The following AUTS2 variants were observed in gnomAD, a reference collection of about 807,000 sequenced individuals.
The protein encoded by AUTS2 is activator of transcription and developmental regulator AUTS2.
In AUTS2, 17 loss-of-function variants were observed where a neutral mutation model predicts 112.4. The ratio of observed to expected loss-of-function variants is 0.15; its 90% CI spans 0.10 to 0.23. The LOEUF is 0.23. AUTS2 is among the 10% of genes least tolerant of loss of function. The pLI is 1.00. For missense variants in AUTS2, 1,510 were observed against 1,701.6 expected, an observed-to-expected ratio of 0.89 and a Z score of 1.98; for synonymous variants, 751 against 702.7, an observed-to-expected ratio of 1.07 and a Z score of -1.09.
chr7:70,491,527 ATAT>A (rs1262215274), intron 5 of AUTS2, among the ~76,000 whole-genome samples: 2 of 147,950 alleles, frequency 1.4e-5, no homozygotes, highest in Admixed American at 6.8e-5. Flanking sequence ...TACACACAAT[ATAT>A]TATATATACA....
chr7:70,390,000 A>G (rs1793781756), intron 4 of AUTS2, among the ~76,000 whole-genome samples: 1 of 152,230 alleles, frequency 6.6e-6, no homozygotes, highest in South Asian at 2.1e-4. Context: ...TCTTCACCGT[A>G]GCCACCTTAT....
intron 1 of AUTS2, among the ~76,000 whole-genome samples, chr7:69,743,860 G>A (rs746249332): frequency 2.0e-5 from 3 of 152,104 alleles, no homozygotes; most frequent in Non-Finnish European, 4.4e-5. Flanking sequence ...ACAGTAGAAC[G>A]ATCATAGCTC....
intron 5 of AUTS2, among the ~76,000 whole-genome samples, chr7:70,551,754 CA>C (rs1801023197): frequency 6.6e-6 from 1 of 152,158 alleles, no homozygotes; most frequent in African/African-American, 2.4e-5. Context: ...ACTTCTAACA[CA>C]CATGACATAC....
chr7:69,618,030 T>C (rs1250290634), intron 1 of AUTS2, among the ~76,000 whole-genome samples: 1 of 152,238 alleles, frequency 6.6e-6, no homozygotes, highest in Non-Finnish European at 1.5e-5. Context: ...TCACAACAAC[T>C]CTGTATAATA....
chr7:69,625,187 G>A (rs75451512), intron 1 of AUTS2, among the ~76,000 whole-genome samples: 13 of 152,260 alleles, frequency 8.5e-5, no homozygotes, highest in East Asian at 7.7e-4. Context: ...TAGCAGAAGC[G>A]GACTCAGAAA....
chr7:69,691,401 C>G (rs1415463257), intron 1 of AUTS2, among the ~76,000 whole-genome samples: 1 of 152,100 alleles, frequency 6.6e-6, no homozygotes, highest in African/African-American at 2.4e-5. Context: ...CAGACCCATG[C>G]CAAGCTACCC....
intron 2 of AUTS2, among the ~76,000 whole-genome samples, chr7:70,088,813 A>G (rs563076550): frequency 5.0e-4 from 76 of 151,792 alleles, no homozygotes; most frequent in African/African-American, 1.8e-3. Context: ...GGGGTTTCAC[A>G]ATGTTGGCCA....
chr7:69,810,466 T>C (rs1398276697), intron 1 of AUTS2, among the ~76,000 whole-genome samples: 1 of 151,372 alleles, frequency 6.6e-6, no homozygotes, highest in African/African-American at 2.4e-5. Context: ...CACACAGTAG[T>C]TGTTTAATTA....
chr7:70,283,751 T>C (rs903360753), intron 4 of AUTS2, among the ~76,000 whole-genome samples: 6 of 152,160 alleles, frequency 3.9e-5, no homozygotes, highest in African/African-American at 1.4e-4. Context: ...AATAGTCCTT[T>C]GGAAGCCCTA....
intron 6 of AUTS2, among the ~76,000 whole-genome samples, chr7:70,751,096 C>T (rs534090563): frequency 6.6e-6 from 1 of 152,146 alleles, no homozygotes; most frequent in Non-Finnish European, 1.5e-5. Context: ...ACCCCAAAAT[C>T]GTTGATGACA....
At chr7:69,742,686 C>T (rs565514675) in intron 1 of AUTS2, among the ~76,000 whole-genome samples, 4 of 152,136 alleles carry the variant, frequency 2.6e-5, no homozygotes, top group Non-Finnish European at 5.9e-5. Context: ...GGTAGATTAT[C>T]TTACCTGTCC....
intron 11 of AUTS2, 49 bp downstream of exon 11, chr7:70,771,693 C>T: frequency 6.4e-7 from 1 of 1,553,008 alleles, no homozygotes; most frequent in Non-Finnish European, 8.9e-7. Context: ...TAAGTGGCGT[C>T]CCGGGCCAGG....
At chr7:69,838,458 CAG>C (rs150356686) in intron 1 of AUTS2, among the ~76,000 whole-genome samples, 1 of 152,198 alleles carries the variant, frequency 6.6e-6, no homozygotes, top group East Asian at 1.9e-4. Context: ...AACTGAGGCA[CAG>C]AGAGTTTCAG....
chr7:69,606,772 A>G (rs1034276883), intron 1 of AUTS2, among the ~76,000 whole-genome samples: 3 of 152,238 alleles, frequency 2.0e-5, no homozygotes, highest in African/African-American at 7.2e-5. Context: ...AACTTGAGAC[A>G]GGAGAAGATC....
chr7:70,150,015 C>G (rs1807342064), intron 4 of AUTS2, among the ~76,000 whole-genome samples: 1 of 151,888 alleles, frequency 6.6e-6, no homozygotes, highest in Admixed American at 6.6e-5. Context: ...GTACTTAAAA[C>G]TGATAAAGAA....
At chr7:69,917,524 C>T (rs1001151220) in intron 2 of AUTS2, among the ~76,000 whole-genome samples, 4 of 146,548 alleles carry the variant, frequency 2.7e-5, no homozygotes, top group African/African-American at 1.1e-4. Context: ...AAGGGGCCTG[C>T]TGGTTTTTTG....
At chr7:70,739,148 T>G in intron 6 of AUTS2, among the ~76,000 whole-genome samples, 1 of 150,770 alleles carries the variant, frequency 6.6e-6, no homozygotes, top group East Asian at 2.0e-4. Flanking sequence ...TGCTTCAGCC[T>G]CCTGGTTAGG....
In AUTS2 at chr7:69,928,964, T is replaced by C. The variant is rs73429444; in HGVS notation, c.522+29466T>C. 8.7e-3 allele frequency among the ~76,000 whole-genome samples: 1,331 copies of C among 152,316 alleles called. 26 individuals carry two copies. Among genetic ancestry groups the C allele is most frequent in the African/African-American group, 0.03 (1,252 of 41,576 alleles). On this transcript the variant is annotated intron_variant, in intron 2 of 18. Coordinates refer to ENST00000342771, the MANE Select transcript of AUTS2 (RefSeq NM_015570.4). ...CACCATCAATGTGGTTACCATTTCT[T>C]ATGCCCTTCATTTCTCTGGGTAGAT...
At chr7:69,941,232 G>A (rs753253146) in intron 2 of AUTS2, among the ~76,000 whole-genome samples, 5 of 152,194 alleles carry the variant, frequency 3.3e-5, no homozygotes, top group African/African-American at 7.2e-5. Flanking sequence ...GAGTCAAAGC[G>A]TGGGATGATC....
Sources: gnomAD v4.1 joint callset for allele counts (sites outside exome capture counted in the v4.1 genomes callset) on GRCh38, gnomAD v4.1.1 for gene constraint, MANE v1.5 for transcripts, NCBI Gene and HGNC (gene_info 2026-07-23, HGNC 2026-07-21) for gene names.